Variants in DTNBP1 observed in about 807,000 individuals in gnomAD.
DTNBP1 encodes dystrobrevin binding protein 1.
DTNBP1 carries 35 observed loss-of-function variants against 42.8 expected under a neutral mutation model. The observed-to-expected ratio is 0.82, with a 90% CI of 0.63 to 1.09. The LOEUF is 1.09. Among genes scored for constraint, DTNBP1 ranks in the 50% least tolerant of loss-of-function variants. The pLI is 0.00. For synonymous variants in DTNBP1, 171 were observed against 162.2 expected (o/e 1.05, Z -0.41); for missense variants, 457 against 424.2 (o/e 1.08, Z -0.68).
chr6:15,637,615 C>A, intron 4 of DTNBP1, 129 bp downstream of exon 4: 2 of 986,578 alleles, frequency 2.0e-6, no homozygotes, highest in Non-Finnish European at 3.1e-6. Flanking sequence ...TAATCAACGA[C>A]TAGATTCAAT....
intron 3 of DTNBP1, among the ~76,000 whole-genome samples, chr6:15,650,389 T>C (rs939317517): frequency 1.4e-5 from 2 of 142,122 alleles, no homozygotes; most frequent in African/African-American, 5.6e-5. Context: ...CTCCAGTGAT[T>C]TTCCTGCCTC....
At chr6:15,533,941 TA>T (rs1773048797) in intron 7 of DTNBP1, among the ~76,000 whole-genome samples, 1 of 152,250 alleles carries the variant, frequency 6.6e-6, no homozygotes, top group Non-Finnish European at 1.5e-5. Flanking sequence ...TAAAAGTATG[TA>T]ACAGTAGAAT....
intron 7 of DTNBP1, among the ~76,000 whole-genome samples, chr6:15,583,003 A>T (rs903286277): frequency 6.6e-6 from 1 of 152,172 alleles, no homozygotes; most frequent in Non-Finnish European, 1.5e-5. Context: ...TTTTAGAGAC[A>T]GGGTCTTGCT....
intron 5 of DTNBP1, among the ~76,000 whole-genome samples, chr6:15,622,839 A>G (rs941839244): frequency 1.3e-5 from 2 of 152,226 alleles, no homozygotes; most frequent in African/African-American, 2.4e-5. Flanking sequence ...TTTCAAATAC[A>G]TATCATCTGT....
chr6:15,523,271 C>G (rs1772044754), intron 9 of DTNBP1, 52 bp from the exon 10 acceptor site: 10 of 1,610,028 alleles, frequency 6.2e-6, no homozygotes, highest in Non-Finnish European at 8.5e-6. Context: ...TATTGTGAAT[C>G]AGAATTGCCG....
intron 6 of DTNBP1, among the ~76,000 whole-genome samples, chr6:15,605,961 C>G (rs1023764673): frequency 6.6e-6 from 1 of 152,218 alleles, no homozygotes; most frequent in African/African-American, 2.4e-5. Context: ...ATTTTACATG[C>G]AGAAAAATAT....
intron 6 of DTNBP1, among the ~76,000 whole-genome samples, chr6:15,594,714 C>T (rs2113633268): frequency 6.6e-6 from 1 of 151,726 alleles, no homozygotes; most frequent in East Asian, 1.9e-4. Flanking sequence ...AATTCCCCGA[C>T]GTGGGGAAAG....
intron 7 of DTNBP1, among the ~76,000 whole-genome samples, chr6:15,563,519 T>C (rs1774933486): frequency 6.6e-6 from 1 of 152,234 alleles, no homozygotes; most frequent in South Asian, 2.1e-4. Flanking sequence ...ACTGACCATC[T>C]GTATACCCAT....
chr6:15,609,759 T>C (rs1382448170), intron 6 of DTNBP1, among the ~76,000 whole-genome samples: 24 of 152,220 alleles, frequency 1.6e-4, no homozygotes, highest in Admixed American at 1.5e-3. Context: ...TCCTCAGCTG[T>C]CTATTTGTAT....
chr6:15,639,804 C>T (rs1760233363), intron 3 of DTNBP1, among the ~76,000 whole-genome samples: 1 of 152,186 alleles, frequency 6.6e-6, no homozygotes, highest in Non-Finnish European at 1.5e-5. Flanking sequence ...AGGAAATAGA[C>T]TAATTATAAA....
chr6:15,590,503 T>C (rs959730776), intron 7 of DTNBP1, among the ~76,000 whole-genome samples: 9 of 152,352 alleles, frequency 5.9e-5, no homozygotes, highest in South Asian at 2.1e-4. Flanking sequence ...AAGTCTTCAA[T>C]GTCTTATGTC....
intron 7 of DTNBP1, among the ~76,000 whole-genome samples, chr6:15,549,428 T>C (rs979441837): frequency 7.3e-5 from 10 of 136,220 alleles, no homozygotes; most frequent in African/African-American, 2.9e-4. Context: ...GAGGCTGCAG[T>C]GAGCCGAGAC....
At chr6:15,524,472 G>A (rs1341614100) in intron 9 of DTNBP1, 54 bp downstream of exon 9, 3 of 1,613,384 alleles carry the variant, frequency 1.9e-6, no homozygotes, top group Non-Finnish European at 2.5e-6. Context: ...ACCTTTGGAG[G>A]GGAGTGGCAT....
intron 9 of DTNBP1, chr6:15,523,564 T>TC (rs1455772793): frequency 5.2e-6 from 4 of 769,718 alleles, no homozygotes; most frequent in South Asian, 3.9e-5. Flanking sequence ...CTAGATTTCT[T>TC]TTTTTTTTTT....
At chr6:15,536,880 G>A (rs1773260502) in intron 7 of DTNBP1, among the ~76,000 whole-genome samples, 1 of 152,216 alleles carries the variant, frequency 6.6e-6, no homozygotes, top group Non-Finnish European at 1.5e-5. Context: ...CCTGTAACCT[G>A]GAAGTAAGGC....
chr6:15,532,081 T>G (rs55968020), intron 8 of DTNBP1, among the ~76,000 whole-genome samples: 29,842 of 151,896 alleles, frequency 0.2, 3,487 homozygotes, highest in African/African-American at 0.3. Flanking sequence ...AGGCTGAGAT[T>G]TGGGGGGTGA....
At position 15,569,353 on chromosome 6, in the gene DTNBP1, A is replaced by AC. The variant is rs11332178; in HGVS notation, c.511+23705dup. ...GTACAGCTGAAGTCAGCCAGTTAAG[A>AC]CCCCCCCCCGCCCGCCCCGACAGGA... is the stretch of plus-strand genomic sequence containing the variant. On this transcript the variant is annotated intron_variant, in intron 7 of 9. Coordinates refer to ENST00000344537, the MANE Select transcript of DTNBP1 (RefSeq NM_032122.5). Among the ~76,000 whole-genome samples, 562 of 127,202 alleles carry AC rather than the reference A, an allele frequency of 4.4e-3. 20 individuals carry two copies. Among genetic ancestry groups the AC allele is most frequent in the African/African-American group, 0.014 (461 of 33,422 alleles). The allele number at this position is 127,202 out of a possible 152,430, so 83.4% of individuals were successfully genotyped here.
chr6:15,541,235 T>C (rs1485803667), intron 7 of DTNBP1, among the ~76,000 whole-genome samples: 1 of 152,166 alleles, frequency 6.6e-6, no homozygotes, highest in Admixed American at 6.5e-5. Context: ...CGTGACTGAA[T>C]GAGGATGTTC....
intron 7 of DTNBP1, among the ~76,000 whole-genome samples, chr6:15,552,520 G>C (rs1416948072): frequency 2.0e-5 from 3 of 152,160 alleles, no homozygotes; most frequent in African/African-American, 7.2e-5. Context: ...GGGTGCAGTG[G>C]TTCATTCCTG....
Sources: gnomAD v4.1 joint callset for allele counts (sites outside exome capture counted in the v4.1 genomes callset) on GRCh38, gnomAD v4.1.1 for gene constraint, MANE v1.5 for transcripts, NCBI Gene and HGNC (gene_info 2026-07-23, HGNC 2026-07-21) for gene names.